The following KLHL26 variants were observed in gnomAD, a reference collection of about 807,000 sequenced individuals.
KLHL26 encodes kelch-like protein 26.
KLHL26 carries 4 observed loss-of-function variants against 7.1 expected under a neutral mutation model. That is an observed-to-expected ratio of 0.56 (90% CI 0.28 to 1.28). The LOEUF is 1.28. Ranked by LOEUF, KLHL26 falls within the 50% of genes most tolerant of loss-of-function variation. The pLI is 0.11. For synonymous variants in KLHL26, 465 were observed against 414.1 expected, an observed-to-expected ratio of 1.12 and a Z score of -1.49; for missense variants, 896 against 924.6, an observed-to-expected ratio of 0.97 and a Z score of 0.40.
At chr19:18,645,627 C>A (rs1976788375) in intron 1 of KLHL26, among the ~76,000 whole-genome samples, 1 of 152,076 alleles carries the variant, frequency 6.6e-6, no homozygotes, top group African/African-American at 2.4e-5. Flanking sequence ...GCCTGGCCAA[C>A]ATAGTGAAAC....
At chr19:18,637,207 C>T (rs1976634835) in intron 1 of KLHL26, 70 bp downstream of exon 1, 1 of 1,251,722 alleles carries the variant, frequency 8.0e-7, no homozygotes, top group Middle Eastern at 2.1e-4. Flanking sequence ...CAGTCTTGGG[C>T]GTCCTGAGGG....
rs1976850197 is a variant in KLHL26, at chr19:18,648,839, C to T, written c.83+11702C>T. Reference sequence around the variant, plus strand: ...CAGCCTGGAGCCAGCTCCTCCTGCTCTCTCCTCCCCATCCCAGCTCAGAGC... The same window carrying T: ...CAGCCTGGAGCCAGCTCCTCCTGCTTTCTCCTCCCCATCCCAGCTCAGAGC... On this transcript the variant is annotated intron_variant, in intron 1 of 2. Transcript: ENST00000300976. The surrounding 1 kb of genome is among the most constrained non-coding windows in gnomAD (Gnocchi z 4.9). Among the ~76,000 whole-genome samples the T allele has an allele frequency of 1.3e-5, 2 of 152,174 alleles. No homozygotes were observed. The highest frequency in any genetic ancestry group is 2.1e-4 in the South Asian group (1 of 4,828).
intron 1 of KLHL26, among the ~76,000 whole-genome samples, chr19:18,654,028 C>T (rs902304264): frequency 7.7e-6 from 1 of 130,594 alleles, no homozygotes; most frequent in African/African-American, 3.0e-5. Flanking sequence ...TCCATCCATC[C>T]ATCCACCCAC....
In KLHL26 at chr19:18,668,584, T is replaced by C; in HGVS notation, c.1187T>C (p.Leu396Pro). The C allele has an allele frequency of 6.3e-7, 1 of 1,589,586 alleles. No homozygotes were observed. Among genetic ancestry groups the C allele is most frequent in the Non-Finnish European group, 8.5e-7 (1 of 1,173,284 alleles). ...CCCCACCTGAATCGCTGGCTGCGCC[T>C]GCAGGCCATGCAGGAAAGCCGCATC... The part of the protein sequence containing the change: ...YDPHLNRWLR[L>P]QAMQESRIQF... Residue 396 changes from leucine to proline, a missense_variant, in exon 3 of 3, where the codon CTG becomes CCG. By Grantham distance (98) the Leu-to-Pro change is moderately conservative. Transcript: ENST00000300976.
chr19:18,641,947 T>C (rs1976720282), intron 1 of KLHL26, among the ~76,000 whole-genome samples: 1 of 152,188 alleles, frequency 6.6e-6, no homozygotes, highest in Non-Finnish European at 1.5e-5. Context: ...AAGACATCTT[T>C]GTCATTCTCC....
Position 18,669,207 on chromosome 19 carries a change from G to A in KLHL26, c.1810G>A (p.Ala604Thr), listed in dbSNP as rs772795751. ...GGAGTCCTTCGCAGGCATAGCCTGC[G>A]CCCCCGTCCTGCTGCCCCGGGCCGG... is the stretch of plus-strand genomic sequence containing the variant. ...FPESFAGIAC[A>T]PVLLPRAGTR... Residue 604 changes from alanine to threonine, a missense_variant, in exon 3 of 3, where the codon GCC becomes ACC. Physicochemically the swap from Ala to Thr is moderately conservative, Grantham distance 58. Coordinates refer to ENST00000300976, the MANE Select transcript of KLHL26 (RefSeq NM_018316.3). 8 of 1,611,710 alleles carry A rather than the reference G, an allele frequency of 5.0e-6. No homozygotes were observed. The highest frequency in any genetic ancestry group is 1.7e-5 in the Admixed American group (1 of 59,988).
Position 18,650,770 on chromosome 19 carries a change from C to A in KLHL26, c.84-13491C>A, listed in dbSNP as rs773449271. ...TCAGGGGCGCGGGCAGCTTGCTGAC[C>A]TTTTCTGGGAGTCGTGGCGGACGGA... is the stretch of plus-strand genomic sequence containing the variant. On this transcript the variant is annotated intron_variant, in intron 1 of 2. Coordinates refer to ENST00000300976, the MANE Select transcript of KLHL26 (RefSeq NM_018316.3). This position sits in a 1 kb window ranked among gnomAD's most constrained non-coding sequence, Gnocchi z 4.2. 5.9e-5 allele frequency among the ~76,000 whole-genome samples: 9 copies of A among 152,220 alleles called. No individual in the cohort carries two copies. The highest frequency in any genetic ancestry group is 5.9e-4 in the Admixed American group (9 of 15,280).
Position 18,668,562 on chromosome 19 carries a change from C to G in KLHL26, c.1165C>G (p.His389Asp), listed in dbSNP as rs1348049312. 3 of 1,593,884 alleles carry G rather than the reference C, an allele frequency of 1.9e-6. No homozygotes were observed. The highest frequency in any genetic ancestry group is 2.6e-6 in the Non-Finnish European group (3 of 1,174,640). ...AVDACYRYDP[H>D]LNRWLRLQAM... ...GGACGCCTGCTACCGCTACGACCCCCACCTGAATCGCTGGCTGCGCCTGCA... is the reference window on the plus strand; with the variant it reads ...GGACGCCTGCTACCGCTACGACCCCGACCTGAATCGCTGGCTGCGCCTGCA... The change falls in exon 3 of 3, where the codon CAC (histidine) becomes GAC (aspartate). Residue 389 changes from histidine to aspartate, a missense_variant. By Grantham distance (81) the His-to-Asp change is moderately conservative. Coordinates refer to ENST00000300976, the MANE Select transcript of KLHL26 (RefSeq NM_018316.3).
At position 18,649,587 on chromosome 19, in the gene KLHL26, G is replaced by A. The variant is rs113862013; in HGVS notation, c.83+12450G>A. On this transcript the variant is annotated intron_variant, in intron 1 of 2. Coordinates refer to ENST00000300976, the MANE Select transcript of KLHL26 (RefSeq NM_018316.3). This position sits in a 1 kb window ranked among gnomAD's most constrained non-coding sequence, Gnocchi z 4.0. ...CAGCCCTGCATGTTAAAGCAAAGGC[G>A]GCAAACGACAGCCGCTCTCTCCCTG... Among the ~76,000 whole-genome samples, 6 of 152,224 alleles carry A rather than the reference G, an allele frequency of 3.9e-5. No homozygotes were observed. Among genetic ancestry groups the A allele is most frequent in the Non-Finnish European group, 5.9e-5 (4 of 68,034 alleles).
At chr19:18,659,647 T>C (rs1192279696) in intron 1 of KLHL26, 2 of 151,990 alleles carry the variant, frequency 1.3e-5, no homozygotes, top group African/African-American at 4.8e-5. Context: ...TTTCTTGTTC[T>C]TGCCTTTTTT....
At chr19:18,638,146 A>G (rs1009634872) in intron 1 of KLHL26, among the ~76,000 whole-genome samples, 2 of 152,196 alleles carry the variant, frequency 1.3e-5, no homozygotes, top group Admixed American at 1.3e-4. Context: ...GAGGAAATTC[A>G]GGCTTTTTCT....
rs1324974042 is a variant in KLHL26, at chr19:18,669,064, T to A, written c.1667T>A (p.Leu556Gln). 1 of 1,612,840 alleles carries A rather than the reference T, an allele frequency of 6.2e-7. No homozygotes were observed. Among genetic ancestry groups the A allele is most frequent in the African/African-American group, 1.3e-5 (1 of 75,026 alleles). The change falls in exon 3 of 3, where the codon CTG becomes CAG. Residue 556 changes from leucine (L) to glutamine (Q), a missense_variant. Transcript: ENST00000300976. ...GGCCAGTCAGAGGCCGGCTGCTGCCTGCTGGAGAGGAAGATCTACATCGTC... is the reference window on the plus strand; with the variant it reads ...GGCCAGTCAGAGGCCGGCTGCTGCCAGCTGGAGAGGAAGATCTACATCGTC... ...RAGQSEAGCCLLERKIYIVGG... is the reference protein window; with the variant it reads ...RAGQSEAGCCQLERKIYIVGG...
At chr19:18,667,573 C>T in intron 2 of KLHL26, 91 bp from the exon 3 acceptor site, 1 of 1,524,004 alleles carries the variant, frequency 6.6e-7, no homozygotes, top group Non-Finnish European at 8.8e-7. Context: ...TTCTGTGTCC[C>T]CAGGCTACTG....
At chr19:18,660,501 TG>T in intron 1 of KLHL26, among the ~76,000 whole-genome samples, 1 of 152,268 alleles carries the variant, frequency 6.6e-6, no homozygotes, top group South Asian at 2.1e-4. Context: ...ACCGCCTTCC[TG>T]GGGGCCTGTG....
intron 1 of KLHL26, among the ~76,000 whole-genome samples, chr19:18,658,923 C>T (rs1259911031): frequency 6.6e-6 from 1 of 151,278 alleles, no homozygotes; most frequent in Non-Finnish European, 1.5e-5. Flanking sequence ...GGGTCTCTGT[C>T]TGTCCCCCTG....
chr19:18,648,156 G>T lies in KLHL26; in HGVS notation c.83+11019G>T, dbSNP rs1976838345. Among the ~76,000 whole-genome samples the T allele has an allele frequency of 6.6e-6, 1 of 152,164 alleles. No individual in the cohort carries two copies. Among genetic ancestry groups the T allele is most frequent in the African/African-American group, 2.4e-5 (1 of 41,432 alleles). On this transcript the variant is annotated intron_variant, in intron 1 of 2. Coordinates refer to ENST00000300976, the MANE Select transcript of KLHL26 (RefSeq NM_018316.3). This position sits in a 1 kb window ranked among gnomAD's most constrained non-coding sequence, Gnocchi z 4.9. ...GGCCAAGGCGGGTAGATCACTTGAG[G>T]TCAGGAGTTCGAGACCAGCCTGGGC...
intron 1 of KLHL26, among the ~76,000 whole-genome samples, chr19:18,662,344 TC>T (rs2052399835): frequency 1.3e-5 from 2 of 152,050 alleles, no homozygotes; most frequent in South Asian, 4.2e-4. Flanking sequence ...CCGGCAGGGG[TC>T]ACCCAGAGCC....
In KLHL26 at chr19:18,671,035, C is replaced by G. The variant is rs751354681; in HGVS notation, c.*1790C>G. 5.3e-5 allele frequency: 8 copies of G among 152,264 alleles called. No individual in the cohort carries two copies. The highest frequency in any genetic ancestry group is 1.4e-4 in the African/African-American group (6 of 41,414). 9.4% of individuals were successfully genotyped at this position (152,264 alleles called of 1,614,324 possible). A position where few individuals can be genotyped will look rare whatever the true frequency, so the allele number is the denominator to read the frequency against. ...GACCAACCTTGGCACTTTGGAAGAG[C>G]CTTCAGCCCCCTATTCTCATCATGG... On this transcript the variant is annotated 3_prime_UTR_variant, in exon 3 of 3. Coordinates refer to ENST00000300976, the MANE Select transcript of KLHL26 (RefSeq NM_018316.3).
chr19:18,668,678 G>T lies in KLHL26; in HGVS notation c.1281G>T (p.Leu427=). The change falls in exon 3 of 3, where the codon CTG becomes CTT. Residue 427 remains leucine (L), a synonymous_variant. Coordinates refer to ENST00000300976, the MANE Select transcript of KLHL26 (RefSeq NM_018316.3). ...ATGGRNRAGS[L]ASVERYCPRR... ...GCGGCCGCAACCGAGCCGGCAGCCT[G>T]GCCTCCGTGGAGCGGTACTGCCCCC... 6.3e-7 allele frequency: 1 copy of T among 1,574,884 alleles called. No homozygotes were observed.
Sources: allele counts gnomAD v4.1 joint callset (sites outside exome capture counted in the v4.1 genomes callset), GRCh38; gene constraint gnomAD v4.1.1; non-coding constraint Gnocchi (gnomAD v3.1); transcripts MANE v1.5; gene names NCBI Gene and HGNC (gene_info 2026-07-23, HGNC 2026-07-21).